Variants in FYN observed in about 807,000 individuals in gnomAD.
The protein encoded by FYN is FYN proto-oncogene, Src family tyrosine kinase, also known as tyrosine-protein kinase Fyn.
FYN carries 10 observed loss-of-function variants against 70.2 expected under a neutral mutation model. The ratio of observed to expected loss-of-function variants is 0.14; its 90% CI spans 0.09 to 0.24. The LOEUF (loss-of-function observed/expected upper bound fraction) is 0.24. FYN is among the 10% of genes least tolerant of loss of function. The pLI, the probability that FYN is intolerant of heterozygous loss-of-function variation, is 1.00. For missense variants in FYN, 319 were observed against 673.1 expected (o/e 0.47, Z 5.82); for synonymous variants, 236 against 248.6 (o/e 0.95, Z 0.48).
chr6:111,822,002 A>G (rs554155546), intron 2 of FYN, among the ~76,000 whole-genome samples: 128 of 152,346 alleles, frequency 8.4e-4, no homozygotes, highest in African/African-American at 3.0e-3. Flanking sequence ...GAGAATGTGG[A>G]GAAATAGGAA....
intron 9 of FYN, 89 bp from the exon 10 acceptor site, chr6:111,696,545 A>G (rs1799583470): frequency 9.1e-7 from 1 of 1,093,710 alleles, no homozygotes; most frequent in Admixed American, 2.9e-5. Context: ...ATAAGATTAG[A>G]TTTTAAATTT....
intron 3 of FYN, among the ~76,000 whole-genome samples, chr6:111,721,168 T>A (rs2128463015): frequency 6.6e-6 from 1 of 152,334 alleles, no homozygotes; most frequent in South Asian, 2.1e-4. Flanking sequence ...CCGACTGCCC[T>A]GCCCTTCCAG....
At chr6:111,828,557 TG>T (rs1183130296) in intron 2 of FYN, among the ~76,000 whole-genome samples, 1 of 151,244 alleles carries the variant, frequency 6.6e-6, no homozygotes, top group Admixed American at 6.6e-5. Context: ...ATACATACAA[TG>T]GAATATTATT....
At chr6:111,847,658 C>A (rs1773569271) in intron 1 of FYN, among the ~76,000 whole-genome samples, 1 of 152,008 alleles carries the variant, frequency 6.6e-6, no homozygotes, top group Non-Finnish European at 1.5e-5. Context: ...CAAAACCATC[C>A]CCCACCACAC....
rs542620628 is a variant in FYN at position 111,669,114 on chromosome 6, A to G, written c.1405+5385T>C. On this transcript the variant is annotated intron_variant, in intron 13 of 13. Coordinates refer to ENST00000354650, the MANE Select transcript of FYN (RefSeq NM_002037.5). ...GTTGAATGATTTGAAAGTGCTTCCA[A>G]TGAATGAATAAGTGTGGTTTGCTTA... Among the ~76,000 whole-genome samples the G allele has an allele frequency of 2.0e-5, 3 of 152,272 alleles. No homozygotes were observed. The East Asian group carries it at 5.8e-4, about 29-fold the overall frequency.
intron 3 of FYN, among the ~76,000 whole-genome samples, chr6:111,771,684 GA>G (rs532147525): frequency 1.1e-4 from 17 of 152,372 alleles, no homozygotes; most frequent in Non-Finnish European, 2.1e-4. Context: ...TGCTGGTGCT[GA>G]AAACTGGCAA....
At chr6:111,663,933 T>G (rs1267790801) in intron 13 of FYN, among the ~76,000 whole-genome samples, 1 of 152,100 alleles carries the variant, frequency 6.6e-6, no homozygotes, top group Non-Finnish European at 1.5e-5. Context: ...AGGCCAGCAT[T>G]TCCTTCTCCA....
At chr6:111,710,184 AG>A (rs1239707853) in intron 5 of FYN, among the ~76,000 whole-genome samples, 1 of 152,162 alleles carries the variant, frequency 6.6e-6, no homozygotes, top group Non-Finnish European at 1.5e-5. Context: ...CTTGTAGCAG[AG>A]GCTTATTGTT....
intron 2 of FYN, among the ~76,000 whole-genome samples, chr6:111,811,458 G>A (rs148652698): frequency 6.6e-6 from 1 of 152,298 alleles, no homozygotes; most frequent in East Asian, 1.9e-4. Context: ...TATTCTAACT[G>A]AATCCAGTTT....
At chr6:111,734,293 G>A (rs1801604845) in intron 3 of FYN, among the ~76,000 whole-genome samples, 2 of 152,150 alleles carry the variant, frequency 1.3e-5, no homozygotes, top group South Asian at 4.1e-4. Context: ...CTGACCAAGT[G>A]CTCAGGTTTG....
At chr6:111,722,625 C>T (rs1344952087) in intron 3 of FYN, among the ~76,000 whole-genome samples, 1 of 152,162 alleles carries the variant, frequency 6.6e-6, no homozygotes, top group African/African-American at 2.4e-5. Flanking sequence ...AGCAGTGGTT[C>T]TCAGCTGGGG....
chr6:111,750,575 G>A (rs893367442), intron 3 of FYN, among the ~76,000 whole-genome samples: 3 of 152,100 alleles, frequency 2.0e-5, no homozygotes, highest in Non-Finnish European at 2.9e-5. Context: ...GCCTGTAATA[G>A]AGGTAACCAA....
At chr6:111,756,695 T>C (rs1206855457) in intron 3 of FYN, among the ~76,000 whole-genome samples, 1 of 152,166 alleles carries the variant, frequency 6.6e-6, no homozygotes, top group Non-Finnish European at 1.5e-5. Context: ...TCCTGTACTA[T>C]CCGATTAAAA....
At chr6:111,804,242 A>G (rs1192321731) in intron 2 of FYN, among the ~76,000 whole-genome samples, 5 of 152,246 alleles carry the variant, frequency 3.3e-5, no homozygotes, top group Non-Finnish European at 7.3e-5. Flanking sequence ...TCAGGCTTGA[A>G]GAACACCCAC....
intron 3 of FYN, among the ~76,000 whole-genome samples, chr6:111,751,470 C>CG (rs1256217858): frequency 2.1e-5 from 2 of 94,514 alleles, no homozygotes; most frequent in East Asian, 4.1e-4. Flanking sequence ...CAAAAACCCC[C>CG]CAAAACTGCT....
chr6:111,703,167 A>C, intron 7 of FYN, 133 bp from the exon 8 acceptor site: 1 of 725,286 alleles, frequency 1.4e-6, no homozygotes, highest in Non-Finnish European at 2.3e-6. Flanking sequence ...CAGCATCTCC[A>C]CTCAGTAACA....
At chr6:111,749,728 G>A (rs1273450304) in intron 3 of FYN, among the ~76,000 whole-genome samples, 1 of 152,086 alleles carries the variant, frequency 6.6e-6, no homozygotes, top group Non-Finnish European at 1.5e-5. Context: ...AAACTTAAAT[G>A]TAGATAACAC....
intron 3 of FYN, among the ~76,000 whole-genome samples, chr6:111,728,269 C>A (rs1429587587): frequency 6.6e-6 from 1 of 152,170 alleles, no homozygotes; most frequent in Non-Finnish European, 1.5e-5. Context: ...TTTTTTCAGG[C>A]TCCACCCCCT....
chr6:111,855,618 C>T (rs1194709168), intron 1 of FYN, among the ~76,000 whole-genome samples: 3 of 152,198 alleles, frequency 2.0e-5, no homozygotes, highest in African/African-American at 7.2e-5. Context: ...TTGTCCCCGT[C>T]ATCATCAACT....
Sources: allele counts gnomAD v4.1 joint callset (sites outside exome capture counted in the v4.1 genomes callset), GRCh38; gene constraint gnomAD v4.1.1; transcripts MANE v1.5; gene names NCBI Gene and HGNC (gene_info 2026-07-23, HGNC 2026-07-21).